The following FBXO15 variants were observed in gnomAD, a reference collection of about 807,000 sequenced individuals.
FBXO15 encodes the protein F-box protein 15.
Under a neutral mutation model 49.5 loss-of-function variants are expected in FBXO15, and 30 were observed. That is an observed-to-expected ratio of 0.61 (90% CI 0.45 to 0.82). The LOEUF (loss-of-function observed/expected upper bound fraction) is 0.82, where lower values mean the gene tolerates loss of function less well. Among genes scored for constraint, FBXO15 ranks in the 40% least tolerant of loss-of-function variants. The pLI, the probability that FBXO15 is intolerant of heterozygous loss-of-function variation, is 0.00. For missense variants in FBXO15, 591 were observed against 631.5 expected (o/e 0.94, Z 0.69); for synonymous variants, 250 against 232.7 (o/e 1.07, Z -0.68).
chr18:74,077,875 C>A (rs959453739), intron 9 of FBXO15, among the ~76,000 whole-genome samples: 1 of 152,192 alleles, frequency 6.6e-6, no homozygotes, highest in Admixed American at 6.5e-5. Context: ...CACCCCACCA[C>A]CCTGCACGAC....
At chr18:74,079,577 G>A (rs896059100) in intron 9 of FBXO15, among the ~76,000 whole-genome samples, 6 of 151,230 alleles carry the variant, frequency 4.0e-5, no homozygotes, top group Non-Finnish European at 8.8e-5. Context: ...TAATATTATT[G>A]TAATAATTAT....
rs1912176174 is a variant in FBXO15 at position 74,074,522 on chromosome 18, A to C, written c.1264-792T>G. On this transcript the variant is annotated intron_variant, in intron 9 of 9. Coordinates refer to ENST00000419743, the MANE Select transcript of FBXO15 (RefSeq NM_001142958.2). This position sits in a 1 kb window ranked among gnomAD's most constrained non-coding sequence, Gnocchi z 4.7. Reference sequence around the variant, plus strand: ...TTCCCGGAAGTGGTCCACTTTCACTATCCATGCCTCAGGCACCCTGTCTTC... The same window carrying C: ...TTCCCGGAAGTGGTCCACTTTCACTCTCCATGCCTCAGGCACCCTGTCTTC... Among the ~76,000 whole-genome samples the C allele has an allele frequency of 6.6e-6, 1 of 152,040 alleles. No individual in the cohort carries two copies. Among genetic ancestry groups the C allele is most frequent in the Non-Finnish European group, 1.5e-5 (1 of 67,998 alleles).
At chr18:74,083,026 A>C (rs1159844060) in intron 8 of FBXO15, among the ~76,000 whole-genome samples, 1 of 152,222 alleles carries the variant, frequency 6.6e-6, no homozygotes, top group Non-Finnish European at 1.5e-5. Context: ...TGTCACCAGA[A>C]GGTTAAAGCC....
Position 74,074,870 on chromosome 18 carries a change from C to A in FBXO15, c.1264-1140G>T, listed in dbSNP as rs905991734. 6.6e-6 allele frequency among the ~76,000 whole-genome samples: 1 copy of A among 152,198 alleles called. No homozygotes were observed. The highest frequency in any genetic ancestry group is 1.5e-5 in the Non-Finnish European group (1 of 68,042). ...TGGACCTAGCCCACCCACTAGCCAG[C>A]CCTTCCTTCTCCCGCCTCTTCCTTT... is the stretch of plus-strand genomic sequence containing the variant. On this transcript the variant is annotated intron_variant, in intron 9 of 9. Coordinates refer to ENST00000419743, the MANE Select transcript of FBXO15 (RefSeq NM_001142958.2). This position sits in a 1 kb window ranked among gnomAD's most constrained non-coding sequence, Gnocchi z 4.7.
chr18:74,129,530 A>C lies in FBXO15; in HGVS notation c.660T>G (p.Asn220Lys), dbSNP rs747521191. 4 of 1,613,826 alleles carry C rather than the reference A, an allele frequency of 2.5e-6. No individual in the cohort carries two copies. The Admixed American group carries it at 5.0e-5, about 20-fold the overall frequency. ...ACCATATAACAGTAACTGATGTGTC[A>C]TTTATGGAAAGATCAACATGCTCCA... The part of the protein sequence containing the change: ...YIMEHVDLSI[N>K]DTSVTVIWYG... The change falls in exon 5 of 10, where the codon AAT (asparagine) becomes AAG (lysine). Residue 220 changes from asparagine to lysine, a missense_variant. Asn to Lys is a moderately conservative substitution (Grantham distance 94, BLOSUM62 0). Coordinates refer to ENST00000419743, the MANE Select transcript of FBXO15 (RefSeq NM_001142958.2).
chr18:74,140,255 T>A lies in FBXO15; in HGVS notation c.174A>T (p.Gly58=). 1 of 1,551,520 alleles carries A rather than the reference T, an allele frequency of 6.4e-7. No individual in the cohort carries two copies. ...AGSAALRCHA[G]GGQHWESSFS... is the part of the protein sequence containing the mutation. ...AAGAGCTCTCCCAGTGCTGTCCACCTCCGGCATGGCACCTCAGGGCAGCAG... is the reference window on the plus strand; with the variant it reads ...AAGAGCTCTCCCAGTGCTGTCCACCACCGGCATGGCACCTCAGGGCAGCAG... The change falls in exon 2 of 10, where the codon GGA becomes GGT. Residue 58 remains glycine, a synonymous_variant. Coordinates refer to ENST00000419743, the MANE Select transcript of FBXO15 (RefSeq NM_001142958.2).
chr18:74,100,287 G>A lies in FBXO15; in HGVS notation c.1139-18236C>T, dbSNP rs561068780. ...AACCTTCAAAGCCACACAAATACAT[G>A]GAAATTAAATAACCTGCTCCTGAGT... On this transcript the variant is annotated intron_variant, in intron 8 of 9. Coordinates refer to ENST00000419743, the MANE Select transcript of FBXO15 (RefSeq NM_001142958.2). Among the ~76,000 whole-genome samples the A allele has an allele frequency of 2.1e-4, 32 of 152,178 alleles. No individual in the cohort carries two copies. In the South Asian group the frequency reaches 6.4e-3, roughly 31 times the overall value.
chr18:74,107,472 T>C (rs532232270), intron 8 of FBXO15, among the ~76,000 whole-genome samples: 2 of 152,338 alleles, frequency 1.3e-5, no homozygotes, highest in South Asian at 4.1e-4. Flanking sequence ...TCAAGTCTTG[T>C]TAGATCTATA....
At chr18:74,128,712 G>A (rs900782286) in intron 5 of FBXO15, among the ~76,000 whole-genome samples, 3 of 152,192 alleles carry the variant, frequency 2.0e-5, no homozygotes, top group Non-Finnish European at 2.9e-5. Flanking sequence ...AAGACAGCCC[G>A]AGAGAGCTGC....
chr18:74,147,642 G>A (rs1979527868), intron 1 of FBXO15, 28 bp downstream of exon 1: 2 of 1,385,000 alleles, frequency 1.4e-6, no homozygotes, highest in African/African-American at 1.5e-5. Flanking sequence ...TCCCGCCAGG[G>A]GACCCCACCC....
At chr18:74,121,258 C>A (rs1439111213) in intron 8 of FBXO15, among the ~76,000 whole-genome samples, 1 of 152,144 alleles carries the variant, frequency 6.6e-6, no homozygotes, top group Non-Finnish European at 1.5e-5. Context: ...TATGCAAAAT[C>A]CTCCAAAAAA....
chr18:74,144,704 T>C (rs1291331895), intron 1 of FBXO15, among the ~76,000 whole-genome samples: 5 of 152,218 alleles, frequency 3.3e-5, no homozygotes, highest in Admixed American at 6.5e-5. Context: ...ACCAGTTAAA[T>C]TATTTAACAT....
At chr18:74,113,266 A>T (rs957365913) in intron 8 of FBXO15, among the ~76,000 whole-genome samples, 1 of 152,210 alleles carries the variant, frequency 6.6e-6, no homozygotes, top group Admixed American at 6.5e-5. Context: ...AGACAGCAAA[A>T]AGGCTAGTGG....
Position 74,118,411 on chromosome 18 carries a change from C to CATATATATATATATATGTGTATAT in FBXO15, c.1138+4956_1138+4957insATATACACATATATATATATATAT, listed in dbSNP as rs1914326550. Among the ~76,000 whole-genome samples the CATATATATATATATATGTGTATAT allele has an allele frequency of 3.9e-5, 5 of 126,660 alleles. No homozygotes were observed. The South Asian group carries it at 1.2e-3, about 31-fold the overall frequency. The allele number at this position is 126,660 out of a possible 152,430, so 83.1% of individuals were successfully genotyped here. ...TGACCTGCGTATATACACATATATA[C>CATATATATATATATATGTGTATAT]ACATATATATATATATGTGTATATA... On this transcript the variant is annotated intron_variant, in intron 8 of 9. Coordinates refer to ENST00000419743, the MANE Select transcript of FBXO15 (RefSeq NM_001142958.2).
chr18:74,131,712 C>A (rs1978403903), intron 3 of FBXO15, among the ~76,000 whole-genome samples: 1 of 152,208 alleles, frequency 6.6e-6, no homozygotes, highest in South Asian at 2.1e-4. Flanking sequence ...AATTCCTTAT[C>A]TGAAAGGCAA....
intron 8 of FBXO15, among the ~76,000 whole-genome samples, chr18:74,105,892 G>A (rs1212237466): frequency 1.3e-5 from 2 of 152,190 alleles, no homozygotes; most frequent in African/African-American, 2.4e-5. Context: ...ATATGAATCT[G>A]CTCAAAATAC....
chr18:74,085,633 T>C (rs373324287), intron 8 of FBXO15, among the ~76,000 whole-genome samples: 1 of 152,136 alleles, frequency 6.6e-6, no homozygotes, highest in Non-Finnish European at 1.5e-5. Context: ...TAAAATGGAA[T>C]AGATTGGTTC....
chr18:74,127,251 G>A (rs1241862609), intron 5 of FBXO15, among the ~76,000 whole-genome samples: 1 of 152,210 alleles, frequency 6.6e-6, no homozygotes, highest in African/African-American at 2.4e-5. Flanking sequence ...TGAAAATCTG[G>A]CTGTAGAGGT....
intron 9 of FBXO15, among the ~76,000 whole-genome samples, chr18:74,079,705 T>C (rs1425320116): frequency 6.6e-6 from 1 of 152,222 alleles, no homozygotes; most frequent in East Asian, 1.9e-4. Flanking sequence ...GTTGAGTTTT[T>C]GCTCTAGGAA....
Sources: allele counts gnomAD v4.1 joint callset (sites outside exome capture counted in the v4.1 genomes callset), GRCh38; gene constraint gnomAD v4.1.1; non-coding constraint Gnocchi (gnomAD v3.1); transcripts MANE v1.5; gene names NCBI Gene and HGNC (gene_info 2026-07-23, HGNC 2026-07-21).